Variants in SFXN1 observed in about 807,000 individuals in gnomAD.
SFXN1 encodes sideroflexin 1, also known as sideroflexin-1.
SFXN1 carries 32 observed loss-of-function variants against 39.5 expected under a neutral mutation model. The observed-to-expected ratio is 0.81, with a 90% confidence interval of 0.61 to 1.09. The LOEUF (loss-of-function observed/expected upper bound fraction) is 1.09, where lower values mean the gene tolerates loss of function less well. Among genes scored for constraint, SFXN1 ranks in the 50% least tolerant of loss-of-function variants. The pLI is 0.00. For missense variants in SFXN1, 402 were observed against 407.1 expected (o/e 0.99, Z 0.11); for synonymous variants, 136 against 146.5 (o/e 0.93, Z 0.52).
At chr5:175,522,575 A>C (rs1329131646) in intron 10 of SFXN1, 153 bp downstream of exon 10, 1 of 622,656 alleles carries the variant, frequency 1.6e-6, no homozygotes, top group Non-Finnish European at 2.7e-6. Flanking sequence ...ATGGAGGCAG[A>C]AATCAAACCC....
chr5:175,494,040 A>C (rs986551920), intron 2 of SFXN1, among the ~76,000 whole-genome samples: 1 of 152,234 alleles, frequency 6.6e-6, no homozygotes, highest in Admixed American at 6.5e-5. Context: ...AGGAAAAGAG[A>C]ATGGAGACTG....
Position 175,529,240 on chromosome 5 carries a change from A to G in SFXN1, c.*2506A>G, listed in dbSNP as rs572035374. The G allele has an allele frequency of 3.3e-5, 5 of 152,044 alleles. No individual in the cohort carries two copies. The highest frequency in any genetic ancestry group is 4.8e-5 in the African/African-American group (2 of 41,342). The allele number at this position is 152,044 out of a possible 1,614,324, so 9.4% of individuals were successfully genotyped here. A position where few individuals can be genotyped will look rare whatever the true frequency, so the allele number is the denominator to read the frequency against. On this transcript the variant is annotated 3_prime_UTR_variant, in exon 11 of 11. Transcript: ENST00000321442. ...ATAATCCCAGCTACTCGGGAGGCTG[A>G]GGTAGGAGAATCGCTTGAATCCGGG...
At chr5:175,485,183 T>C (rs1322836756) in intron 1 of SFXN1, among the ~76,000 whole-genome samples, 1 of 152,246 alleles carries the variant, frequency 6.6e-6, no homozygotes, top group Non-Finnish European at 1.5e-5. Flanking sequence ...AGTTGGTATT[T>C]CTTATGCCAC....
At chr5:175,520,947 A>G (rs560879785) in intron 8 of SFXN1, among the ~76,000 whole-genome samples, 5 of 151,904 alleles carry the variant, frequency 3.3e-5, no homozygotes, top group South Asian at 2.1e-4. Flanking sequence ...TTCCTCTCCA[A>G]TCCATCCCTT....
chr5:175,484,558 G>C (rs141644954), intron 1 of SFXN1, among the ~76,000 whole-genome samples: 281 of 152,342 alleles, frequency 1.8e-3, no homozygotes, highest in African/African-American at 6.2e-3. Flanking sequence ...GGTGGAAAAG[G>C]GTGCACCCTG....
intron 2 of SFXN1, among the ~76,000 whole-genome samples, chr5:175,508,645 AT>A (rs35548133): frequency 2.7e-5 from 4 of 149,162 alleles, no homozygotes; most frequent in Non-Finnish European, 6.0e-5. Flanking sequence ...GTGAGCATAA[AT>A]TTTTTTTTTT....
At chr5:175,512,051 A>T in intron 5 of SFXN1, 60 bp from the exon 6 acceptor site, 1 of 1,450,220 alleles carries the variant, frequency 6.9e-7, no homozygotes, top group Non-Finnish European at 9.6e-7. Context: ...GAAATAAGTT[A>T]TTTCCATTTA....
intron 1 of SFXN1, among the ~76,000 whole-genome samples, chr5:175,485,408 G>C (rs1279336023): frequency 6.6e-6 from 1 of 152,142 alleles, no homozygotes; most frequent in Admixed American, 6.5e-5. Context: ...GCTGCTAGGG[G>C]CTGCAGCTCA....
intron 1 of SFXN1, among the ~76,000 whole-genome samples, chr5:175,484,398 T>C (rs911783034): frequency 6.6e-6 from 1 of 152,130 alleles, no homozygotes; most frequent in Non-Finnish European, 1.5e-5. Flanking sequence ...CCCGCAGCAG[T>C]CCCGCCCCAC....
In SFXN1 at chr5:175,521,953, G is replaced by A. The variant is rs141630104; in HGVS notation, c.809G>A (p.Gly270Glu). 1.6e-5 allele frequency: 26 copies of A among 1,602,016 alleles called. No individual in the cohort carries two copies. The highest frequency in any genetic ancestry group is 1.7e-5 in the Non-Finnish European group (20 of 1,172,132). The change falls in exon 9 of 11, where the codon GGG (glycine) becomes GAG (glutamate). Residue 270 changes from glycine (G) to glutamate (E), a missense_variant. Physicochemically the swap from Gly to Glu is moderately conservative, Grantham distance 98. Transcript: ENST00000321442. Reference protein sequence around the residue: ...FPWMSAPIQVGLVGFCLVFAT... With the variant: ...FPWMSAPIQVELVGFCLVFAT... Reference sequence around the variant, plus strand: ...TGGATGAGTGCACCCATTCAAGTTGGGTTAGTTGGCTTCTGGTGAGTAGAA... The same window carrying A: ...TGGATGAGTGCACCCATTCAAGTTGAGTTAGTTGGCTTCTGGTGAGTAGAA...
intron 10 of SFXN1, chr5:175,522,872 G>A (rs367689131): frequency 1.5e-4 from 24 of 154,986 alleles, no homozygotes; most frequent in East Asian, 9.6e-4. Flanking sequence ...TCTTGTGCAC[G>A]CCTCTCATCG....
In SFXN1 at chr5:175,527,263, A is replaced by C. The variant is rs1253665378; in HGVS notation, c.*529A>C. The C allele has an allele frequency of 6.5e-6, 1 of 152,832 alleles. No homozygotes were observed. Among genetic ancestry groups the C allele is most frequent in the Non-Finnish European group, 1.5e-5 (1 of 68,510 alleles). The allele number at this position is 152,832 out of a possible 1,614,324, so 9.5% of individuals were successfully genotyped here. ...CTAGTTTGGGGATTGCGCTAGCCCA[A>C]TGAAGGTGATGAAGCTTTTGGATTT... On this transcript the variant is annotated 3_prime_UTR_variant, in exon 11 of 11. Coordinates refer to ENST00000321442, the MANE Select transcript of SFXN1 (RefSeq NM_022754.7).
chr5:175,524,125 A>AATAT (rs771042074), intron 10 of SFXN1: 34 of 32,486 alleles, frequency 1.0e-3, no homozygotes, highest in South Asian at 1.4e-3. Context: ...AAAAAAAAAA[A>AATAT]ATATATATAT....
At chr5:175,490,888 C>G (rs921174826) in intron 1 of SFXN1, among the ~76,000 whole-genome samples, 4 of 152,074 alleles carry the variant, frequency 2.6e-5, no homozygotes, top group Non-Finnish European at 5.9e-5. Flanking sequence ...AGTATGATAT[C>G]AACTAATTTT....
At chr5:175,508,578 A>G (rs1198380943) in intron 2 of SFXN1, among the ~76,000 whole-genome samples, 1 of 151,330 alleles carries the variant, frequency 6.6e-6, no homozygotes, top group Admixed American at 6.6e-5. Flanking sequence ...ATGTTTTGAA[A>G]TTTTTACTGA....
chr5:175,484,210 T>C (rs1207081472), intron 1 of SFXN1: 4 of 152,244 alleles, frequency 2.6e-5, no homozygotes, highest in Non-Finnish European at 5.9e-5. Context: ...CTGTGATTGA[T>C]GTTCAAGACA....
intron 1 of SFXN1, among the ~76,000 whole-genome samples, chr5:175,483,116 T>G (rs1759317965): frequency 1.3e-5 from 2 of 152,244 alleles, no homozygotes; most frequent in South Asian, 2.1e-4. Flanking sequence ...AAGATTGAAT[T>G]TAAACAGTTT....
intron 1 of SFXN1, among the ~76,000 whole-genome samples, chr5:175,489,900 C>T (rs946031503): frequency 3.3e-5 from 5 of 152,196 alleles, no homozygotes; most frequent in African/African-American, 1.2e-4. Context: ...CCTCCTGTGC[C>T]TGCCCTCGGG....
chr5:175,515,380 C>A (rs748674333), intron 7 of SFXN1, among the ~76,000 whole-genome samples: 2 of 152,144 alleles, frequency 1.3e-5, no homozygotes, highest in African/African-American at 2.4e-5. Flanking sequence ...CCAGTCCAGA[C>A]GGACAAATCC....
Sources: gnomAD v4.1 joint callset for allele counts (sites outside exome capture counted in the v4.1 genomes callset) on GRCh38, gnomAD v4.1.1 for gene constraint, MANE v1.5 for transcripts, NCBI Gene and HGNC (gene_info 2026-07-23, HGNC 2026-07-21) for gene names.